SLC35F4: variants seen among roughly 807,000 people sequenced by gnomAD.
SLC35F4 encodes chromosome 14 open reading frame 36.
Under a neutral mutation model 44.2 loss-of-function variants are expected in SLC35F4, and 24 were observed. That is an observed-to-expected ratio of 0.54 (90% CI 0.39 to 0.76). The LOEUF (loss-of-function observed/expected upper bound fraction) is 0.76, where lower values mean the gene tolerates loss of function less well. SLC35F4 is among the 30% of genes least tolerant of loss of function. The pLI is 0.00. For missense variants in SLC35F4, 562 were observed against 586.1 expected, an observed-to-expected ratio of 0.96 and a Z score of 0.42; for synonymous variants, 238 against 223.6, an observed-to-expected ratio of 1.06 and a Z score of -0.57.
intron 1 of SLC35F4, among the ~76,000 whole-genome samples, chr14:57,959,946 C>A (rs1890309890): frequency 6.6e-6 from 1 of 152,040 alleles, no homozygotes; most frequent in African/African-American, 2.4e-5. Flanking sequence ...TGGAAGAGGG[C>A]ACCAGGACTC....
chr14:57,587,157 C>T (rs2069809400), intron 3 of SLC35F4, among the ~76,000 whole-genome samples: 1 of 152,172 alleles, frequency 6.6e-6, no homozygotes, highest in South Asian at 2.1e-4. Flanking sequence ...AATAGGAATG[C>T]TTCTACACTG....
intron 7 of SLC35F4, among the ~76,000 whole-genome samples, chr14:57,565,415 AC>A (rs1320335676): frequency 1.3e-5 from 2 of 152,192 alleles, no homozygotes; most frequent in Non-Finnish European, 2.9e-5. Flanking sequence ...AGCATTCAGC[AC>A]ATACCTCTAT....
chr14:57,806,741 G>A (rs1881365224), intron 1 of SLC35F4, among the ~76,000 whole-genome samples: 2 of 152,152 alleles, frequency 1.3e-5, no homozygotes, highest in Non-Finnish European at 2.9e-5. Flanking sequence ...AACATTAAAA[G>A]CCTGAAAATA....
intron 1 of SLC35F4, among the ~76,000 whole-genome samples, chr14:57,603,460 A>G (rs1204048790): frequency 4.6e-5 from 7 of 152,140 alleles, no homozygotes; most frequent in Non-Finnish European, 1.0e-4. Flanking sequence ...AGTGCCCTAC[A>G]TCCTACAATG....
intron 1 of SLC35F4, among the ~76,000 whole-genome samples, chr14:57,668,506 T>A (rs942294758): frequency 5.3e-5 from 8 of 152,142 alleles, no homozygotes; most frequent in African/African-American, 1.9e-4. Context: ...TTAATTTTTG[T>A]ATAAGGTGTA....
In SLC35F4 at chr14:57,850,553, T is replaced by C. The variant is rs1382847042; in HGVS notation, c.103+15170A>G. ...TTGAGAAAAAAAGGAAGCCCATTCA[T>C]AGAACAATTCAGTAAGGAGAAACTG... On this transcript the variant is annotated intron_variant, in intron 1 of 7. Transcript: ENST00000556826. Among the ~76,000 whole-genome samples the C allele has an allele frequency of 1.2e-4, 18 of 152,364 alleles. No individual in the cohort carries two copies. The East Asian group carries it at 3.1e-3, about 26-fold the overall frequency.
At chr14:57,876,475 A>G (rs530539566) in intron 1 of SLC35F4, among the ~76,000 whole-genome samples, 1 of 152,328 alleles carries the variant, frequency 6.6e-6, no homozygotes, top group South Asian at 2.1e-4. Context: ...TCAGAAAAAG[A>G]CTAGCCCAAT....
chr14:57,727,413 T>G (rs1168458876), intron 1 of SLC35F4, among the ~76,000 whole-genome samples: 1 of 152,062 alleles, frequency 6.6e-6, no homozygotes, highest in Non-Finnish European at 1.5e-5. Context: ...ATTTTTGCTC[T>G]GATTTTTATT....
intron 1 of SLC35F4, among the ~76,000 whole-genome samples, chr14:57,770,691 T>C (rs546146833): frequency 2.0e-5 from 3 of 152,150 alleles, no homozygotes; most frequent in Non-Finnish European, 4.4e-5. Flanking sequence ...ATATTTGTGA[T>C]TTGCAAGGAT....
intron 1 of SLC35F4, among the ~76,000 whole-genome samples, chr14:57,663,584 C>T (rs951990258): frequency 3.9e-5 from 6 of 152,168 alleles, no homozygotes; most frequent in Admixed American, 6.5e-5. Flanking sequence ...TGAAGTTGCA[C>T]ACATCTGATA....
At chr14:57,865,566 T>C (rs1595252911) in intron 1 of SLC35F4, among the ~76,000 whole-genome samples, 157 bp downstream of exon 1, 1 of 152,146 alleles carries the variant, frequency 6.6e-6, no homozygotes, top group African/African-American at 2.4e-5. Context: ...CATACTTTTC[T>C]CCCCGGGGGG....
At chr14:57,852,163 G>A (rs1042688379) in intron 1 of SLC35F4, among the ~76,000 whole-genome samples, 7 of 152,122 alleles carry the variant, frequency 4.6e-5, no homozygotes, top group African/African-American at 1.2e-4. Context: ...TGTGGTAAGT[G>A]CTATAAAGAA....
chr14:57,813,361 C>T (rs1246745231), intron 1 of SLC35F4, among the ~76,000 whole-genome samples: 1 of 152,014 alleles, frequency 6.6e-6, no homozygotes, highest in Non-Finnish European at 1.5e-5. Flanking sequence ...AGGCCGAAGC[C>T]AGTGGATTAC....
chr14:57,952,710 A>G (rs1205008622), intron 1 of SLC35F4, among the ~76,000 whole-genome samples: 2 of 151,994 alleles, frequency 1.3e-5, no homozygotes, highest in Non-Finnish European at 2.9e-5. Flanking sequence ...CAACTTAATG[A>G]AATAAAGCAT....
At chr14:57,888,007 G>C (rs1227768832) in intron 1 of SLC35F4, among the ~76,000 whole-genome samples, 1 of 152,162 alleles carries the variant, frequency 6.6e-6, no homozygotes, top group Non-Finnish European at 1.5e-5. Flanking sequence ...GGACCCAGGA[G>C]ATGCAGTAGC....
At chr14:57,697,624 C>T (rs2075420049) in intron 1 of SLC35F4, among the ~76,000 whole-genome samples, 1 of 151,876 alleles carries the variant, frequency 6.6e-6, no homozygotes, top group South Asian at 2.1e-4. Flanking sequence ...TCGCTTGAGC[C>T]CAGGAAGCAG....
At chr14:57,586,458 C>A (rs1245224737) in intron 3 of SLC35F4, among the ~76,000 whole-genome samples, 6 of 151,984 alleles carry the variant, frequency 3.9e-5, no homozygotes, top group Non-Finnish European at 8.8e-5. Context: ...TGGCTTACAC[C>A]TGTAATCCCA....
intron 1 of SLC35F4, among the ~76,000 whole-genome samples, chr14:57,970,537 C>T (rs766280355): frequency 2.6e-5 from 4 of 152,012 alleles, no homozygotes; most frequent in Non-Finnish European, 4.4e-5. Context: ...TGAAGTAGAA[C>T]TCATTCATAA....
chr14:57,742,236 A>G (rs1028392441), intron 1 of SLC35F4, among the ~76,000 whole-genome samples: 1 of 152,228 alleles, frequency 6.6e-6, no homozygotes, highest in Non-Finnish European at 1.5e-5. Context: ...TTAACCTTAA[A>G]TGTAAATGGG....
Sources: gnomAD v4.1 joint callset for allele counts (sites outside exome capture counted in the v4.1 genomes callset) on GRCh38, gnomAD v4.1.1 for gene constraint, MANE v1.5 for transcripts, NCBI Gene and HGNC (gene_info 2026-07-23, HGNC 2026-07-21) for gene names.